Variants in TVP23A observed in about 807,000 individuals in gnomAD.
TVP23A encodes the protein Golgi apparatus membrane protein TVP23 homolog A.
In TVP23A, 21 loss-of-function variants were observed where a neutral mutation model predicts 31.7. That is an observed-to-expected ratio of 0.66 (90% CI 0.47 to 0.95). TVP23A has a LOEUF of 0.95. TVP23A is among the 40% of genes least tolerant of loss of function. TVP23A has a pLI of 0.00. For missense variants in TVP23A, 279 were observed against 255.6 expected (o/e 1.09, Z -0.62); for synonymous variants, 104 against 96.0 (o/e 1.08, Z -0.49).
intron 2 of TVP23A, among the ~76,000 whole-genome samples, chr16:10,813,526 T>C (rs2034293657): frequency 6.6e-6 from 1 of 152,206 alleles, no homozygotes; most frequent in Non-Finnish European, 1.5e-5. Flanking sequence ...GAGAGATCGC[T>C]TGAGTCCAGG....
intron 7 of TVP23A, among the ~76,000 whole-genome samples, chr16:10,769,657 G>T (rs2031397547): frequency 6.6e-6 from 1 of 152,122 alleles, no homozygotes; most frequent in Admixed American, 6.5e-5. Context: ...AAATCAAAAA[G>T]CCCTTGAAGA....
chr16:10,765,787 CACCAGTG>C (rs1437363094), downstream of TVP23A, among the ~76,000 whole-genome samples: 1 of 152,218 alleles, frequency 6.6e-6, no homozygotes, highest in African/African-American at 2.4e-5. The surrounding 1 kb of genome is among the most constrained non-coding windows in gnomAD (Gnocchi z 4.0). Context: ...GCAGAGGAGC[CACCAGTG>C]ACAGCTGCGA....
At chr16:10,758,435 T>C (rs761440481), downstream of TVP23A, among the ~76,000 whole-genome samples, 16 of 152,196 alleles carry the variant, frequency 1.1e-4, no homozygotes, top group Non-Finnish European at 2.1e-4. Context: ...ATCACGCCAG[T>C]GCAGTCCAGC....
At chr16:10,775,281 G>C (rs56000803) in intron 2 of TVP23A, 185 bp from the exon 3 acceptor site, 26,614 of 1,424,164 alleles carry the variant, frequency 0.019, 279 homozygotes, top group Non-Finnish European at 0.022. Flanking sequence ...GCAGTCCCCA[G>C]ACAGTCATGC....
chr16:10,782,680 T>C (rs1001794045), intron 2 of TVP23A, among the ~76,000 whole-genome samples: 1 of 152,054 alleles, frequency 6.6e-6, no homozygotes, highest in African/African-American at 2.4e-5. Context: ...TTTTTAAAAT[T>C]TTTTGTAGAG....
At chr16:10,814,868 AGT>A (rs2034365057) in intron 2 of TVP23A, among the ~76,000 whole-genome samples, 1 of 151,816 alleles carries the variant, frequency 6.6e-6, no homozygotes, top group Non-Finnish European at 1.5e-5. Context: ...TTGGTTGCTA[AGT>A]GCTGCAGGGT....
chr16:10,762,371 C>T (rs915659693), downstream of TVP23A, among the ~76,000 whole-genome samples: 5 of 152,194 alleles, frequency 3.3e-5, no homozygotes, highest in East Asian at 1.9e-4. Context: ...TTCTTAAGTA[C>T]GTGGGTCTCC....
chr16:10,787,658 T>G (rs774594256), intron 2 of TVP23A, among the ~76,000 whole-genome samples: 1 of 145,134 alleles, frequency 6.9e-6, no homozygotes, highest in African/African-American at 2.8e-5. Context: ...TAAAATCTGG[T>G]GCAGTCTGCA....
intron 2 of TVP23A, among the ~76,000 whole-genome samples, chr16:10,797,812 G>T (rs888302922): frequency 1.2e-4 from 18 of 152,094 alleles, no homozygotes; most frequent in African/African-American, 4.3e-4. Context: ...ATGATCGGGG[G>T]AAGGTGAAAA....
At chr16:10,790,576 C>T (rs748186030) in intron 2 of TVP23A, among the ~76,000 whole-genome samples, 5 of 152,070 alleles carry the variant, frequency 3.3e-5, no homozygotes, top group South Asian at 4.1e-4. Flanking sequence ...TGAGCCACTG[C>T]GCCCGACCAT....
chr16:10,768,861 C>T lies in TVP23A; in HGVS notation c.*241G>A, dbSNP rs1400668358. ...GAAGGCCGCAGCCACTGGTTATGAG[C>T]AAGATGGGTAGTGTGAGGTATTCCG... is the stretch of plus-strand genomic sequence containing the variant. On this transcript the variant is annotated 3_prime_UTR_variant, in exon 8 of 8. Coordinates refer to ENST00000299866, the MANE Select transcript of TVP23A (RefSeq NM_001079512.4). This position sits in a 1 kb window ranked among gnomAD's most constrained non-coding sequence, Gnocchi z 4.3. 3.6e-6 allele frequency: 2 copies of T among 559,202 alleles called. No individual in the cohort carries two copies. The highest frequency in any genetic ancestry group is 1.9e-5 in the African/African-American group (1 of 51,930). The allele number at this position is 559,202 out of a possible 1,614,324, so 34.6% of individuals were successfully genotyped here. A position where few individuals can be genotyped will look rare whatever the true frequency, so the allele number is the denominator to read the frequency against.
chr16:10,769,602 G>C (rs1729063), intron 7 of TVP23A: 120,704 of 157,664 alleles, frequency 0.77, 47,280 homozygotes, highest in African/African-American at 0.94. Context: ...ACAGAGCTCA[G>C]GCTGGGCTTC....
intron 2 of TVP23A, among the ~76,000 whole-genome samples, chr16:10,817,589 C>A (rs1446730624): frequency 6.6e-6 from 1 of 152,214 alleles, no homozygotes. Flanking sequence ...AATAAAACTC[C>A]AAGCTCTCTT....
chr16:10,794,661 G>A (rs765303161), intron 2 of TVP23A, among the ~76,000 whole-genome samples: 5 of 152,182 alleles, frequency 3.3e-5, no homozygotes, highest in Non-Finnish European at 7.3e-5. Flanking sequence ...TGCAGGTGGT[G>A]CACAGGGTGA....
intron 2 of TVP23A, among the ~76,000 whole-genome samples, chr16:10,804,617 A>G (rs114968699): frequency 0.012 from 1,758 of 152,256 alleles, 39 homozygotes; most frequent in African/African-American, 0.04. Flanking sequence ...GTGGTGGTAC[A>G]TGTCTGCAGT....
chr16:10,817,639 C>A (rs1270695793), intron 2 of TVP23A, among the ~76,000 whole-genome samples: 1 of 152,230 alleles, frequency 6.6e-6, no homozygotes, highest in Non-Finnish European at 1.5e-5. Flanking sequence ...TCCCCTCTGG[C>A]CTCAGTGGCT....
intron 2 of TVP23A, among the ~76,000 whole-genome samples, chr16:10,805,705 A>G (rs1419275798): frequency 6.0e-5 from 9 of 150,950 alleles, no homozygotes; most frequent in Non-Finnish European, 1.3e-4. Context: ...CTTTGTTTTG[A>G]TCATTGCTTA....
chr16:10,776,245 G>A (rs1425100441), intron 2 of TVP23A, among the ~76,000 whole-genome samples: 3 of 151,624 alleles, frequency 2.0e-5, no homozygotes, highest in African/African-American at 7.3e-5. Flanking sequence ...CATGGTGGCG[G>A]CTGCCTGTAA....
chr16:10,769,479 C>T, intron 7 of TVP23A: 1 of 201,210 alleles, frequency 5.0e-6, no homozygotes, highest in Non-Finnish European at 9.9e-6. Context: ...ATAAGAAAGC[C>T]TAGAAAAGAA....
Sources: gnomAD v4.1 joint callset for allele counts (sites outside exome capture counted in the v4.1 genomes callset) on GRCh38, gnomAD v4.1.1 for gene constraint, Gnocchi (gnomAD v3.1) non-coding constraint, MANE v1.5 for transcripts, NCBI Gene and HGNC (gene_info 2026-07-23, HGNC 2026-07-21) for gene names.